The following UBXN4 variants were observed in gnomAD, a reference collection of about 807,000 sequenced individuals.
UBXN4 encodes UBX domain-containing protein 4.
A neutral mutation model predicts 66.2 loss-of-function variants in UBXN4; 35 were observed. The ratio of observed to expected loss-of-function variants is 0.53; its 90% CI spans 0.40 to 0.70. The LOEUF is 0.70. UBXN4 is among the 30% of genes least tolerant of loss of function. UBXN4 has a pLI of 0.00. For synonymous variants in UBXN4, 203 were observed against 204.5 expected, an observed-to-expected ratio of 0.99 and a Z score of 0.06; for missense variants, 533 against 599.8, an observed-to-expected ratio of 0.89 and a Z score of 1.16.
chr2:135,757,127 T>C (rs977782306), intron 5 of UBXN4, among the ~76,000 whole-genome samples: 2 of 152,210 alleles, frequency 1.3e-5, no homozygotes, highest in Non-Finnish European at 2.9e-5. Context: ...GGTCCATATA[T>C]CTTGCTGGAA....
chr2:135,779,366 A>G (rs2077436344), intron 11 of UBXN4, among the ~76,000 whole-genome samples: 1 of 152,224 alleles, frequency 6.6e-6, no homozygotes, highest in South Asian at 2.1e-4. Context: ...AATGCAGATT[A>G]TCTGTCTAAT....
intron 8 of UBXN4, among the ~76,000 whole-genome samples, chr2:135,771,936 T>A (rs930039911): frequency 6.6e-6 from 1 of 152,182 alleles, no homozygotes. Context: ...TTCATTTCCT[T>A]GTTTCCTTAA....
At chr2:135,765,847 A>G (rs901371780) in intron 6 of UBXN4, among the ~76,000 whole-genome samples, 4 of 151,938 alleles carry the variant, frequency 2.6e-5, no homozygotes, top group African/African-American at 9.7e-5. Context: ...AAGCAGGCAT[A>G]GTGACCATTA....
At chr2:135,765,884 G>A (rs2077343829) in intron 6 of UBXN4, among the ~76,000 whole-genome samples, 1 of 152,040 alleles carries the variant, frequency 6.6e-6, no homozygotes, top group African/African-American at 2.4e-5. Context: ...CCGGCACAGT[G>A]GCTCATGCCT....
At chr2:135,776,980 C>G (rs912529513) in intron 10 of UBXN4, among the ~76,000 whole-genome samples, 3 of 152,200 alleles carry the variant, frequency 2.0e-5, no homozygotes, top group African/African-American at 7.2e-5. Context: ...AGGGAATTGT[C>G]CCACTCCCCT....
At chr2:135,771,322 C>G (rs562803189) in intron 8 of UBXN4, among the ~76,000 whole-genome samples, 12 of 152,146 alleles carry the variant, frequency 7.9e-5, no homozygotes, top group African/African-American at 2.9e-4. Context: ...ACTAAAAATA[C>G]AAAAATTAAT....
At chr2:135,774,469 A>G (rs2077400590) in intron 9 of UBXN4, among the ~76,000 whole-genome samples, 1 of 152,220 alleles carries the variant, frequency 6.6e-6, no homozygotes, top group African/African-American at 2.4e-5. Flanking sequence ...CATGGCACTA[A>G]AAGCACAGGA....
chr2:135,781,243 CT>C (rs1239449069), intron 12 of UBXN4, among the ~76,000 whole-genome samples: 3 of 152,092 alleles, frequency 2.0e-5, no homozygotes, highest in African/African-American at 7.2e-5. Flanking sequence ...AACAAAACAA[CT>C]TTTATAGCAG....
At chr2:135,768,208 T>A (rs2077359123) in intron 6 of UBXN4, among the ~76,000 whole-genome samples, 1 of 152,206 alleles carries the variant, frequency 6.6e-6, no homozygotes, top group South Asian at 2.1e-4. Flanking sequence ...TAAATTTTTT[T>A]ATTTTTTTGA....
In UBXN4 at chr2:135,769,793, GAGAGA is replaced by G. The variant is rs1448693840; in HGVS notation, c.634_638del (p.Glu212LysfsTer10). 2.5e-6 allele frequency: 4 copies of G among 1,595,736 alleles called. No individual in the cohort carries two copies. Among genetic ancestry groups the G allele is most frequent in the East Asian group, 2.3e-5 (1 of 44,382 alleles). On this transcript the variant is annotated frameshift_variant, in exon 7 of 13. Coordinates refer to ENST00000272638, the MANE Select transcript of UBXN4 (RefSeq NM_014607.4). LOFTEE classifies it high-confidence loss of function. ...GACTAACAAAAAAACTTGAAGAAAG[GAGAGA>G]AGAGAAAAGAAAAGAGGAAGAACAG...
At chr2:135,755,946 CT>C (rs2077276953) in intron 5 of UBXN4, among the ~76,000 whole-genome samples, 1 of 152,116 alleles carries the variant, frequency 6.6e-6, no homozygotes, top group South Asian at 2.1e-4. Context: ...GCGCTGCATG[CT>C]TCAAGGAATG....
chr2:135,775,657 G>A (rs2077410354), intron 9 of UBXN4, among the ~76,000 whole-genome samples: 1 of 152,154 alleles, frequency 6.6e-6, no homozygotes, highest in Non-Finnish European at 1.5e-5. Flanking sequence ...ACTGCTGATG[G>A]GGTTGGAGTT....
At position 135,748,257 on chromosome 2, in the gene UBXN4, T is replaced by C; in HGVS notation, c.83-10T>C. ...CAGCCTGGTATAAGAATTTTTGAAATGTTTTACAGGTGATGATGAACAGTC... is the reference window on the plus strand; with the variant it reads ...CAGCCTGGTATAAGAATTTTTGAAACGTTTTACAGGTGATGATGAACAGTC... On this transcript the variant is annotated splice_polypyrimidine_tract_variant and intron_variant, in intron 1 of 12. Coordinates refer to ENST00000272638, the MANE Select transcript of UBXN4 (RefSeq NM_014607.4). The C allele has an allele frequency of 6.5e-7, 1 of 1,535,016 alleles. No individual in the cohort carries two copies. The highest frequency in any genetic ancestry group is 2.4e-5 in the East Asian group (1 of 41,968).
chr2:135,750,583 C>A (rs962888026), intron 2 of UBXN4, among the ~76,000 whole-genome samples: 1 of 152,082 alleles, frequency 6.6e-6, no homozygotes, highest in Non-Finnish European at 1.5e-5. Context: ...TAAAAATTTT[C>A]TGTGTTTACA....
chr2:135,749,914 G>A (rs556863643), intron 2 of UBXN4, among the ~76,000 whole-genome samples: 4 of 152,228 alleles, frequency 2.6e-5, no homozygotes, highest in Admixed American at 2.6e-4. Context: ...TTTGTTCTGT[G>A]GTTTCCTACA....
rs952485064 is a variant in UBXN4 at position 135,784,852 on chromosome 2, A to G, written c.*1965A>G. The G allele has an allele frequency of 3.3e-4, 1 of 3,058 alleles. No homozygotes were observed. The highest frequency in any genetic ancestry group is 0.012 in the Non-Finnish European group (1 of 84). The allele number at this position is 3,058 out of a possible 1,614,324, so 0.2% of individuals were successfully genotyped here. A position where few individuals can be genotyped will look rare whatever the true frequency, so the allele number is the denominator to read the frequency against. On this transcript the variant is annotated 3_prime_UTR_variant, in exon 13 of 13. Transcript: ENST00000272638. Reference sequence around the variant, plus strand: ...TAGGAGGTTCCCTCCTCAATTTTGTATTTTTAAAAGTACATGGTAAAAAAA... The same window carrying G: ...TAGGAGGTTCCCTCCTCAATTTTGTGTTTTTAAAAGTACATGGTAAAAAAA...
intron 9 of UBXN4, among the ~76,000 whole-genome samples, chr2:135,775,255 A>C (rs558222733): frequency 6.6e-6 from 1 of 152,368 alleles, no homozygotes; most frequent in South Asian, 2.1e-4. Flanking sequence ...CAAAATGTTA[A>C]ACATAGTGTT....
intron 6 of UBXN4, among the ~76,000 whole-genome samples, chr2:135,765,982 G>C (rs1449253153): frequency 1.3e-5 from 2 of 152,104 alleles, no homozygotes; most frequent in Non-Finnish European, 2.9e-5. Context: ...GTGAAACCCT[G>C]TCTCTACTAA....
intron 1 of UBXN4, chr2:135,748,019 G>A: frequency 2.7e-6 from 1 of 371,576 alleles, no homozygotes; most frequent in Non-Finnish European, 4.9e-6. Flanking sequence ...TCATAATTTA[G>A]ATGGCTTCTT....
Sources: gnomAD v4.1 joint callset for allele counts (sites outside exome capture counted in the v4.1 genomes callset) on GRCh38, gnomAD v4.1.1 for gene constraint, MANE v1.5 for transcripts, NCBI Gene and HGNC (gene_info 2026-07-23, HGNC 2026-07-21) for gene names.